The following AOPEP variants were observed in gnomAD, a reference collection of about 807,000 sequenced individuals.
AOPEP encodes aminopeptidase O (putative).
Under a neutral mutation model 98.1 loss-of-function variants are expected in AOPEP, and 77 were observed. The ratio of observed to expected loss-of-function variants is 0.78; its 90% CI spans 0.65 to 0.95. The LOEUF (loss-of-function observed/expected upper bound fraction) is 0.95. Ranked by LOEUF, AOPEP falls within the 40% of genes least tolerant of loss-of-function variation. The probability of loss-of-function intolerance (pLI) is 0.00; values close to 1 mark genes in which losing one functional copy is unlikely to be tolerated. For missense variants in AOPEP, 1,024 were observed against 1,024.7 expected (o/e 1.00, Z 0.01); for synonymous variants, 346 against 365.3 (o/e 0.95, Z 0.60).
rs770812066 is a variant in AOPEP, at chr9:94,967,812, AT to A, written c.1916+14del. 6.2e-7 allele frequency: 1 copy of A among 1,609,156 alleles called. No homozygotes were observed. Among genetic ancestry groups the A allele is most frequent in the South Asian group, 1.1e-5 (1 of 90,964 alleles). On this transcript the variant is annotated intron_variant, in intron 10 of 16. Coordinates refer to ENST00000375315, the MANE Select transcript of AOPEP (RefSeq NM_001193329.3). ...TCCAGAAGAAAAAAGGTAAGGACCAATTTAGGAATTTTGGAATTAAGAGCCC... is the reference window on the plus strand; with the variant it reads ...TCCAGAAGAAAAAAGGTAAGGACCAATTAGGAATTTTGGAATTAAGAGCCC...
chr9:95,096,777 C>T, the AOPEP span, among the ~76,000 whole-genome samples: 1 of 152,244 alleles, frequency 6.6e-6, no homozygotes, highest in African/African-American at 2.4e-5. Context: ...GAACCTCACA[C>T]CAAAGTATGT....
intron 5 of AOPEP, among the ~76,000 whole-genome samples, chr9:94,862,242 A>G (rs1366773586): frequency 6.6e-6 from 1 of 152,162 alleles, no homozygotes; most frequent in Non-Finnish European, 1.5e-5. Flanking sequence ...GGGCTGGCTG[A>G]GCAGGACCCC....
intron 5 of AOPEP, among the ~76,000 whole-genome samples, chr9:94,826,607 T>C (rs1854621202): frequency 6.6e-6 from 1 of 152,206 alleles, no homozygotes; most frequent in Admixed American, 6.5e-5. Flanking sequence ...AGTTCTCCAA[T>C]AAAACTTTCT....
Position 94,895,229 on chromosome 9 carries a change from T to TAA in AOPEP, c.1365-28754_1365-28753dup, listed in dbSNP as rs1486733465. ...AAACCTCATCTCTACTAAAAAAAAA[T>TAA]AAAATAAAATAAAAAAAAAAAATAG... On this transcript the variant is annotated intron_variant, in intron 5 of 16. Coordinates refer to ENST00000375315, the MANE Select transcript of AOPEP (RefSeq NM_001193329.3). 7.7e-3 allele frequency among the ~76,000 whole-genome samples: 195 copies of TAA among 25,296 alleles called. 1 individual carries two copies. The highest frequency in any genetic ancestry group is 0.024 in the Admixed American group (58 of 2,416). The allele number at this position is 25,296 out of a possible 152,430, so 16.6% of individuals were successfully genotyped here.
intron 11 of AOPEP, among the ~76,000 whole-genome samples, chr9:94,997,690 C>T (rs925453295): frequency 1.3e-5 from 2 of 152,054 alleles, no homozygotes; most frequent in South Asian, 2.1e-4. Context: ...TTATATTTCA[C>T]CTGTGAAATT....
chr9:94,952,496 G>A (rs2058171884), intron 7 of AOPEP, among the ~76,000 whole-genome samples: 1 of 152,156 alleles, frequency 6.6e-6, no homozygotes, highest in African/African-American at 2.4e-5. Flanking sequence ...CCTGTTCTTG[G>A]ATTTCATTGA....
At chr9:94,904,061 C>G (rs1410330053) in intron 5 of AOPEP, 1 of 151,726 alleles carries the variant, frequency 6.6e-6, no homozygotes, top group Admixed American at 6.6e-5. Context: ...ACCGTAACTA[C>G]TCAATTTTGC....
intron 7 of AOPEP, among the ~76,000 whole-genome samples, chr9:94,952,616 TA>T (rs1372299728): frequency 6.6e-6 from 1 of 152,230 alleles, no homozygotes; most frequent in Non-Finnish European, 1.5e-5. Context: ...CTTTCTCCGG[TA>T]CTTTGTCTCT....
rs1459094114 is a variant in AOPEP, at chr9:94,980,418, G to A, written c.1977+991G>A. Among the ~76,000 whole-genome samples the A allele has an allele frequency of 2.0e-5, 3 of 152,226 alleles. No homozygotes were observed. The highest frequency in any genetic ancestry group is 7.2e-5 in the African/African-American group (3 of 41,466). The stretch of plus-strand genomic sequence containing the variant: ...CCTGCTGGTTTCTGGTTTCATGGCT[G>A]GTTACATGAGCTTCCCCTTAGGAGG... On this transcript the variant is annotated intron_variant, in intron 11 of 16. Coordinates refer to ENST00000375315, the MANE Select transcript of AOPEP (RefSeq NM_001193329.3). The surrounding 1 kb of genome is among the most constrained non-coding windows in gnomAD (Gnocchi z 4.3).
Position 95,082,728 on chromosome 9 carries a change from C to G in AOPEP, c.*4+9C>G. Reference sequence around the variant, plus strand: ...AATGTTATTTTAACGAGGTGATTCTCTCCCTTTCCTTTCTGTCATTTAGTT... The same window carrying G: ...AATGTTATTTTAACGAGGTGATTCTGTCCCTTTCCTTTCTGTCATTTAGTT... On this transcript the variant is annotated intron_variant, in intron 16 of 16. Coordinates refer to ENST00000375315, the MANE Select transcript of AOPEP (RefSeq NM_001193329.3). 6.2e-7 allele frequency: 1 copy of G among 1,613,930 alleles called. No homozygotes were observed. Among genetic ancestry groups the G allele is most frequent in the Non-Finnish European group, 8.5e-7 (1 of 1,179,882 alleles).
chr9:95,123,158 C>G, the AOPEP span, among the ~76,000 whole-genome samples: 3 of 152,058 alleles, frequency 2.0e-5, no homozygotes, highest in East Asian at 5.8e-4. Context: ...TAAAAATTAG[C>G]TGGGCGTGGT....
At chr9:94,892,828 C>T (rs979240412) in intron 5 of AOPEP, among the ~76,000 whole-genome samples, 3 of 152,154 alleles carry the variant, frequency 2.0e-5, no homozygotes, top group African/African-American at 2.4e-5. Flanking sequence ...ATCCTCCTGC[C>T]TCAGCCTGTC....
At chr9:94,919,905 T>C (rs892625392) in intron 5 of AOPEP, among the ~76,000 whole-genome samples, 1 of 152,146 alleles carries the variant, frequency 6.6e-6, no homozygotes, top group African/African-American at 2.4e-5. Context: ...GGGCTGCACA[T>C]GTTGAAATTG....
chr9:94,851,422 C>T (rs146198689), intron 5 of AOPEP, among the ~76,000 whole-genome samples: 3 of 152,192 alleles, frequency 2.0e-5, no homozygotes, highest in Admixed American at 2.0e-4. Flanking sequence ...TGTTATGTGT[C>T]AGTATGCATA....
intron 16 of AOPEP, chr9:95,086,125 T>C: frequency 2.2e-6 from 3 of 1,363,024 alleles, no homozygotes; most frequent in Non-Finnish European, 2.9e-6. Context: ...TGTCTGTAAG[T>C]GCCCGAGGCT....
intron 1 of AOPEP, among the ~76,000 whole-genome samples, chr9:94,736,480 C>T (rs767179364): frequency 1.3e-5 from 2 of 152,244 alleles, no homozygotes; most frequent in South Asian, 2.1e-4. Context: ...CCAATCTCTT[C>T]ATTTTTACTC....
At chr9:94,736,515 A>G (rs1164526892) in intron 1 of AOPEP, among the ~76,000 whole-genome samples, 2 of 152,124 alleles carry the variant, frequency 1.3e-5, no homozygotes, top group Non-Finnish European at 2.9e-5. Context: ...ACCCAACTCT[A>G]TTAATCTAGA....
rs1048677535 is a variant in AOPEP, at chr9:94,929,048, G to A, written c.1661+517G>A. 2.0e-5 allele frequency among the ~76,000 whole-genome samples: 3 copies of A among 152,260 alleles called. No homozygotes were observed. The South Asian group carries it at 6.2e-4, about 32-fold the overall frequency. ...GAGTTTTGTTTGTAGACTGTGGCTT[G>A]TGGCATGTGCAGGATTATTTCATGC... On this transcript the variant is annotated intron_variant, in intron 7 of 16. Transcript: ENST00000375315.
chr9:94,925,703 A>C (rs1311829565), intron 6 of AOPEP, among the ~76,000 whole-genome samples: 3 of 152,256 alleles, frequency 2.0e-5, no homozygotes, highest in African/African-American at 7.2e-5. Context: ...GTCCCCTGCC[A>C]CATGGAGTCC....
Sources: allele counts gnomAD v4.1 joint callset (sites outside exome capture counted in the v4.1 genomes callset), GRCh38; gene constraint gnomAD v4.1.1; non-coding constraint Gnocchi (gnomAD v3.1); transcripts MANE v1.5; gene names NCBI Gene and HGNC (gene_info 2026-07-23, HGNC 2026-07-21).